The following SCN10A variants were observed in gnomAD, a reference collection of about 807,000 sequenced individuals.
SCN10A encodes the protein sodium channel protein type 10 subunit alpha.
A neutral mutation model predicts 170.7 loss-of-function variants in SCN10A; 162 were observed. The ratio of observed to expected loss-of-function variants is 0.95; its 90% CI spans 0.84 to 1.08. SCN10A has a LOEUF of 1.08. SCN10A is among the 50% of genes least tolerant of loss of function. The pLI is 0.00. For missense variants in SCN10A, 2,527 were observed against 2,436.9 expected, an observed-to-expected ratio of 1.04 and a Z score of -0.78; for synonymous variants, 985 against 904.6, an observed-to-expected ratio of 1.09 and a Z score of -1.59.
At chr3:38,785,017 T>C (rs1350494096) in intron 4 of SCN10A, among the ~76,000 whole-genome samples, 1 of 152,184 alleles carries the variant, frequency 6.6e-6, no homozygotes, top group Non-Finnish European at 1.5e-5. Context: ...TCCATGCTCA[T>C]GGATAGGAAA....
At chr3:38,704,990 T>C (rs1360322466) in intron 26 of SCN10A, among the ~76,000 whole-genome samples, 1 of 152,194 alleles carries the variant, frequency 6.6e-6, no homozygotes, top group Admixed American at 6.5e-5. Flanking sequence ...GTTCTAGACT[T>C]TGAAGAGGGA....
chr3:38,758,282 C>T (rs2063831614), intron 8 of SCN10A, among the ~76,000 whole-genome samples: 1 of 152,146 alleles, frequency 6.6e-6, no homozygotes, highest in Non-Finnish European at 1.5e-5. Context: ...TTGGTTTGCT[C>T]TTCCAAGGGG....
At position 38,752,448 on chromosome 3, in the gene SCN10A, GA is replaced by G. The variant is rs768707927; in HGVS notation, c.1525del (p.Ser509ProfsTer93). ...ASHGSVFHFR[S>X]PGRDISLPEG... Reference sequence around the variant, plus strand: ...AGGGAGTGAGATATCTCGGCCAGGGGACCGGAAATGGAACACACTGCCATGA... The same window carrying G: ...AGGGAGTGAGATATCTCGGCCAGGGGCCGGAAATGGAACACACTGCCATGA... On this transcript the variant is annotated frameshift_variant, in exon 12 of 28. Coordinates refer to ENST00000449082, the MANE Select transcript of SCN10A (RefSeq NM_006514.4). LOFTEE classifies it high-confidence loss of function. 1 of 1,612,930 alleles carries G rather than the reference GA, an allele frequency of 6.2e-7. No individual in the cohort carries two copies. Among genetic ancestry groups the G allele is most frequent in the Admixed American group, 1.7e-5 (1 of 59,882 alleles).
intron 18 of SCN10A, 31 bp from the exon 19 acceptor site, chr3:38,723,584 C>G: frequency 2.6e-6 from 4 of 1,557,420 alleles, no homozygotes; most frequent in Non-Finnish European, 3.5e-6. Context: ...GCAGTGAACT[C>G]GTCTCTCCGC....
chr3:38,785,825 A>G (rs901957049), intron 4 of SCN10A, among the ~76,000 whole-genome samples: 2 of 152,232 alleles, frequency 1.3e-5, no homozygotes, highest in African/African-American at 2.4e-5. Context: ...AAGGATATGA[A>G]CAGACACTTC....
At chr3:38,794,289 T>G (rs957677445) in intron 1 of SCN10A, among the ~76,000 whole-genome samples, 6 of 152,100 alleles carry the variant, frequency 3.9e-5, no homozygotes, top group African/African-American at 1.2e-4. Context: ...TTCTATGTCA[T>G]TGCTTCTTCA....
chr3:38,747,820 T>G (rs760595864), intron 13 of SCN10A, among the ~76,000 whole-genome samples: 1 of 152,238 alleles, frequency 6.6e-6, no homozygotes, highest in Non-Finnish European at 1.5e-5. Context: ...ACATAGCTGA[T>G]TCCTTTATTT....
At chr3:38,754,629 T>C (rs1559445435) in intron 11 of SCN10A, among the ~76,000 whole-genome samples, 1 of 152,146 alleles carries the variant, frequency 6.6e-6, no homozygotes, top group African/African-American at 2.4e-5. Flanking sequence ...CTGTGCCCCA[T>C]GTATGCCAGG....
chr3:38,709,697 A>G (rs1203674192), intron 24 of SCN10A, 82 bp from the exon 25 acceptor site: 1 of 1,284,020 alleles, frequency 7.8e-7, no homozygotes, highest in Non-Finnish European at 1.0e-6. Context: ...TAAGACATGG[A>G]CCTGGGTGCA....
At chr3:38,705,450 A>G (rs1451087904) in intron 26 of SCN10A, among the ~76,000 whole-genome samples, 1 of 152,144 alleles carries the variant, frequency 6.6e-6, no homozygotes, top group Non-Finnish European at 1.5e-5. Context: ...TTGCAGCTTA[A>G]TTAGGAGAAA....
intron 5 of SCN10A, among the ~76,000 whole-genome samples, chr3:38,770,099 G>A (rs2063981373): frequency 1.3e-5 from 2 of 152,212 alleles, no homozygotes; most frequent in African/African-American, 4.8e-5. Context: ...CCAGGATGTT[G>A]CAGGCAGTGC....
At chr3:38,782,520 T>C (rs1327505362) in intron 4 of SCN10A, among the ~76,000 whole-genome samples, 4 of 152,118 alleles carry the variant, frequency 2.6e-5, no homozygotes, top group Non-Finnish European at 4.4e-5. Flanking sequence ...TGTCATTCTA[T>C]TGGCATTTTG....
chr3:38,798,727 C>T (rs547845654), intron 1 of SCN10A, among the ~76,000 whole-genome samples: 32 of 149,704 alleles, frequency 2.1e-4, no homozygotes, highest in African/African-American at 4.9e-4. Context: ...CCTTTCTATT[C>T]GGTGGGCATT....
At chr3:38,790,166 C>T (rs952464340) in intron 3 of SCN10A, among the ~76,000 whole-genome samples, 2 of 151,986 alleles carry the variant, frequency 1.3e-5, no homozygotes. Context: ...AAACTAAAAT[C>T]GTGTCTCCAA....
intron 5 of SCN10A, among the ~76,000 whole-genome samples, chr3:38,766,507 T>C (rs1054489056): frequency 2.0e-5 from 3 of 152,128 alleles, no homozygotes; most frequent in Non-Finnish European, 4.4e-5. Flanking sequence ...TGATTTTTGT[T>C]TTTAATTCTG....
chr3:38,734,801 T>C (rs1257608240), intron 15 of SCN10A, among the ~76,000 whole-genome samples: 2 of 152,186 alleles, frequency 1.3e-5, no homozygotes, highest in African/African-American at 4.8e-5. Context: ...TTAACACTTC[T>C]TTTCAACAGT....
chr3:38,699,136 C>T (rs1369267583), intron 27 of SCN10A, among the ~76,000 whole-genome samples: 1 of 151,100 alleles, frequency 6.6e-6, no homozygotes, highest in African/African-American at 2.4e-5. Context: ...ATTCGGGCAA[C>T]TGGCTGACAG....
In SCN10A at chr3:38,793,918, C is replaced by G; in HGVS notation, c.93G>C (p.Lys31Asn). Residue 31 changes from lysine to asparagine, a missense_variant, in exon 2 of 28, where the codon AAG (lysine) becomes AAC (asparagine). Transcript: ENST00000449082. ...LVEIEKQIAAKQGTKKAREKH... is the reference protein window; with the variant it reads ...LVEIEKQIAANQGTKKAREKH... ...TCTCTCTGGCTTTCTTTGTTCCCTGCTTGGCAGCAATTTGCTTCTCTATCT... is the reference window on the plus strand; with the variant it reads ...TCTCTCTGGCTTTCTTTGTTCCCTGGTTGGCAGCAATTTGCTTCTCTATCT... 6.2e-7 allele frequency: 1 copy of G among 1,614,128 alleles called. No individual in the cohort carries two copies. Among genetic ancestry groups the G allele is most frequent in the African/African-American group, 1.3e-5 (1 of 75,062 alleles).
intron 8 of SCN10A, 106 bp from the exon 9 acceptor site, chr3:38,757,265 T>A: frequency 9.0e-7 from 1 of 1,105,998 alleles, no homozygotes; most frequent in Non-Finnish European, 1.3e-6. Flanking sequence ...GTTCAAGACC[T>A]AGTCTTCCTC....
Sources: allele counts gnomAD v4.1 joint callset (sites outside exome capture counted in the v4.1 genomes callset), GRCh38; gene constraint gnomAD v4.1.1; transcripts MANE v1.5; gene names NCBI Gene and HGNC (gene_info 2026-07-23, HGNC 2026-07-21).